Variants in PFKFB3 observed in about 807,000 individuals in gnomAD.
PFKFB3 encodes the protein 6-phosphofructo-2-kinase/fructose-2,6-bisphosphatase 3.
PFKFB3 carries 33 observed loss-of-function variants against 68.0 expected under a neutral mutation model. The observed-to-expected ratio is 0.49, with a 90% CI of 0.37 to 0.65. The LOEUF (loss-of-function observed/expected upper bound fraction) is 0.65, where lower values mean the gene tolerates loss of function less well. Ranked by LOEUF, PFKFB3 falls within the 30% of genes least tolerant of loss-of-function variation. PFKFB3 has a pLI of 0.00. For synonymous variants in PFKFB3, 315 were observed against 288.2 expected (o/e 1.09, Z -0.94); for missense variants, 586 against 712.2 (o/e 0.82, Z 2.02).
Position 6,155,205 on chromosome 10 carries a change from C to CTT in PFKFB3, c.16+10206_16+10207dup, listed in dbSNP as rs55673645. ...GAGAAAAGCACTTACGAGTTTTTTT[C>CTT]TTTTTTTTTTTTTTTGAGACGGAGT... On this transcript the variant is annotated intron_variant, in intron 1 of 14. Transcript: ENST00000379789. Among the ~76,000 whole-genome samples the CTT allele has an allele frequency of 1.1e-4, 14 of 132,382 alleles. 1 individual carries two copies. Among genetic ancestry groups the CTT allele is most frequent in the East Asian group, 4.3e-4 (2 of 4,620 alleles). The allele number at this position is 132,382 out of a possible 152,430, so 86.8% of individuals were successfully genotyped here. A position where few individuals can be genotyped will look rare whatever the true frequency, so the allele number is the denominator to read the frequency against.
intron 14 of PFKFB3, among the ~76,000 whole-genome samples, chr10:6,246,763 C>T (rs924359227): frequency 2.0e-5 from 3 of 152,076 alleles, no homozygotes; most frequent in Non-Finnish European, 4.4e-5. Flanking sequence ...TCATCCTGTC[C>T]CCCAAGAAGT....
At chr10:6,177,405 T>TC (rs1842521863) in intron 1 of PFKFB3, among the ~76,000 whole-genome samples, 1 of 146,390 alleles carries the variant, frequency 6.8e-6, no homozygotes, top group East Asian at 2.1e-4. Context: ...TCTTTCTTTC[T>TC]TTCTTCTTTC....
chr10:6,192,139 T>TACACACACAC (rs60638987), intron 1 of PFKFB3, among the ~76,000 whole-genome samples: 2,695 of 119,080 alleles, frequency 0.023, 64 homozygotes, highest in African/African-American at 0.037. Flanking sequence ...CATTCCCCAA[T>TACACACACAC]ACACACACAC....
At chr10:6,286,167 C>T in the PFKFB3 span, among the ~76,000 whole-genome samples, 1 of 151,816 alleles carries the variant, frequency 6.6e-6, no homozygotes, top group African/African-American at 2.4e-5. Context: ...TTAGTAGAGG[C>T]AGGGTTTCAC....
At position 6,221,543 on chromosome 10, in the gene PFKFB3, C is replaced by A; in HGVS notation, c.978+16C>A. 2 of 1,612,468 alleles carry A rather than the reference C, an allele frequency of 1.2e-6. No homozygotes were observed. The highest frequency in any genetic ancestry group is 1.3e-5 in the African/African-American group (1 of 75,020). ...GATCGACGCGGTGAGTCCTGGGAGG[C>A]GGGCAGGCAGCCTCACCCTCGGGCA... On this transcript the variant is annotated intron_variant, in intron 9 of 14. Coordinates refer to ENST00000379775, the MANE Select transcript of PFKFB3 (RefSeq NM_004566.4).
At chr10:6,177,445 TTTC>T (rs1382748193) in intron 1 of PFKFB3, among the ~76,000 whole-genome samples, 105 of 121,796 alleles carry the variant, frequency 8.6e-4, no homozygotes, top group Non-Finnish European at 1.3e-3. Flanking sequence ...TTTCTCTTTC[TTTC>T]TTTCTTTCTT....
chr10:6,204,909 C>T (rs1169416101), intron 1 of PFKFB3, among the ~76,000 whole-genome samples: 1 of 152,198 alleles, frequency 6.6e-6, no homozygotes, highest in Non-Finnish European at 1.5e-5. Context: ...GAGGAGTGTC[C>T]CGTGACTTCC....
chr10:6,209,621 C>A (rs574242240), intron 1 of PFKFB3, among the ~76,000 whole-genome samples: 1 of 151,956 alleles, frequency 6.6e-6, no homozygotes. Flanking sequence ...CCTGCTACCA[C>A]GCCTGGCTAA....
downstream of PFKFB3, among the ~76,000 whole-genome samples, chr10:6,236,185 T>A (rs1022674863): frequency 6.6e-6 from 1 of 152,226 alleles, no homozygotes; most frequent in African/African-American, 2.4e-5. Flanking sequence ...TCACCTGCCC[T>A]TCCCCATCTC....
chr10:6,314,332 G>A, the PFKFB3 span, among the ~76,000 whole-genome samples: 59 of 152,294 alleles, frequency 3.9e-4, no homozygotes, highest in East Asian at 9.6e-3. Flanking sequence ...CAGAAAGAAA[G>A]TTTTTCAAAA....
chr10:6,254,160 G>A, intron 14 of PFKFB3: 1 of 372,128 alleles, frequency 2.7e-6, no homozygotes, highest in Non-Finnish European at 4.5e-6. Context: ...AATCCACAAT[G>A]TACTCCTTCC....
the PFKFB3 span, among the ~76,000 whole-genome samples, chr10:6,315,954 A>C: frequency 6.6e-6 from 1 of 152,244 alleles, no homozygotes. Context: ...AATCCAGAAT[A>C]GTTTCTTTCT....
intron 1 of PFKFB3, among the ~76,000 whole-genome samples, chr10:6,156,166 T>TGTGTG (rs1554840075): frequency 1.3e-5 from 2 of 151,438 alleles, no homozygotes; most frequent in African/African-American, 2.4e-5. Flanking sequence ...TGTGTGTGTA[T>TGTGTG]TTTTAGAGGC....
intron 1 of PFKFB3, among the ~76,000 whole-genome samples, chr10:6,204,944 A>G (rs1022640881): frequency 1.1e-4 from 16 of 152,208 alleles, no homozygotes; most frequent in South Asian, 8.3e-4. Flanking sequence ...TGTTGGCATC[A>G]GCTCAGTTGT....
chr10:6,264,291 C>T, the PFKFB3 span, among the ~76,000 whole-genome samples: 8 of 152,336 alleles, frequency 5.3e-5, no homozygotes, highest in East Asian at 1.3e-3. Flanking sequence ...TCATCTTACT[C>T]TGTTCTTATT....
the PFKFB3 span, among the ~76,000 whole-genome samples, chr10:6,286,169 G>T: frequency 6.6e-6 from 1 of 151,816 alleles, no homozygotes; most frequent in Non-Finnish European, 1.5e-5. Context: ...AGTAGAGGCA[G>T]GGTTTCACTG....
chr10:6,302,401 A>C, the PFKFB3 span, among the ~76,000 whole-genome samples: 1 of 55,124 alleles, frequency 1.8e-5, no homozygotes, highest in Non-Finnish European at 3.0e-5. Flanking sequence ...TTTTTTTTTG[A>C]GACGGAGTCT....
chr10:6,225,762 CGGAA>C (rs1325922329), intron 13 of PFKFB3, among the ~76,000 whole-genome samples: 2 of 151,358 alleles, frequency 1.3e-5, no homozygotes, highest in African/African-American at 4.8e-5. Flanking sequence ...CTCGGGTCAG[CGGAA>C]GGGAGTCAGC....
At chr10:6,256,271 A>G (rs1280016582), downstream of PFKFB3, among the ~76,000 whole-genome samples, 2 of 152,156 alleles carry the variant, frequency 1.3e-5, no homozygotes, top group Non-Finnish European at 2.9e-5. Flanking sequence ...GAGGACATGA[A>G]TTCCCAGGGA....
Sources: allele counts gnomAD v4.1 joint callset (sites outside exome capture counted in the v4.1 genomes callset), GRCh38; gene constraint gnomAD v4.1.1; transcripts MANE v1.5; gene names NCBI Gene and HGNC (gene_info 2026-07-23, HGNC 2026-07-21).